Variants in PDXDC1 observed in about 807,000 individuals in gnomAD.
The protein encoded by PDXDC1 is pyridoxal dependent decarboxylase domain containing 1.
A neutral mutation model predicts 100.1 loss-of-function variants in PDXDC1; 42 were observed. That is an observed-to-expected ratio of 0.42 (90% CI 0.33 to 0.54). The LOEUF (loss-of-function observed/expected upper bound fraction) is 0.54, where lower values mean the gene tolerates loss of function less well. PDXDC1 is among the 20% of genes least tolerant of loss of function. PDXDC1 has a pLI of 0.10. For synonymous variants in PDXDC1, 260 were observed against 371.7 expected (o/e 0.70, Z 3.46); for missense variants, 636 against 979.2 (o/e 0.65, Z 4.68).
chr16:15,074,722 C>G, intron 16 of PDXDC1: 1 of 1,610,612 alleles, frequency 6.2e-7, no homozygotes, highest in East Asian at 2.2e-5. Context: ...CTGTGATTTA[C>G]CATCTACATA....
intron 17 of PDXDC1, chr16:15,032,656 A>C: frequency 2.8e-6 from 1 of 353,142 alleles, no homozygotes; most frequent in Non-Finnish European, 5.1e-6. Context: ...CCTGCTTTAA[A>C]AAAAAAAAAA....
At chr16:15,132,951 C>T (rs1207044995) in intron 16 of PDXDC1, 28 of 1,572,448 alleles carry the variant, frequency 1.8e-5, no homozygotes, top group Admixed American at 5.0e-5. Flanking sequence ...CCACGACTCC[C>T]GGGGTGCAGT....
Position 15,004,187 on chromosome 16 carries a change from A to C in PDXDC1, c.243A>C (p.Arg81Ser), listed in dbSNP as rs1265904468. The part of the protein sequence containing the change: ...GDEDEEPQSP[R>S]IQNIGEQGHM... ...CTAATACTTTAATTTTGCTTAACAG[A>C]ATCCAAAATATTGGAGAACAAGGTC... The change falls in exon 5 of 23, where the codon AGA becomes AGC. Residue 81 changes from arginine (R) to serine (S), a missense_variant and splice_region_variant. Arg to Ser is a moderately radical substitution (Grantham distance 110). This residue lies in a region of PDXDC1 where 125 missense variants were observed against 479.9 expected (regional missense o/e 0.26). Transcript: ENST00000396410. The C allele has an allele frequency of 6.2e-7, 1 of 1,612,986 alleles. No individual in the cohort carries two copies. The highest frequency in any genetic ancestry group is 8.5e-7 in the Non-Finnish European group (1 of 1,179,328).
intron 16 of PDXDC1, among the ~76,000 whole-genome samples, chr16:15,096,740 T>A (rs1023790889): frequency 6.6e-6 from 1 of 152,280 alleles, no homozygotes; most frequent in African/African-American, 2.4e-5. Flanking sequence ...TAGAGCGCAA[T>A]GGCGCGATCA....
chr16:15,143,266 A>T (rs2048503049), downstream of PDXDC1, among the ~76,000 whole-genome samples: 1 of 152,048 alleles, frequency 6.6e-6, no homozygotes, highest in Non-Finnish European at 1.5e-5. Context: ...TGGCCACAGT[A>T]CGGGTCTTCA....
rs1190085312 is a variant in PDXDC1 at position 15,131,307 on chromosome 16, C to G, written c.1400-7572C>G. ...TGGGGATCTGGGCGCCGGCCTGTGT[C>G]TGGAACGCCATCGAGGCCACCTTGG... On this transcript the variant is annotated intron_variant, in intron 16 of 16. Coordinates refer to the PDXDC1 transcript ENST00000535621. The G allele has an allele frequency of 7.6e-6, 12 of 1,577,106 alleles. No individual in the cohort carries two copies. In the South Asian group the frequency reaches 7.7e-5, roughly 10 times the overall value.
intron 1 of PDXDC1, among the ~76,000 whole-genome samples, chr16:14,978,067 C>T (rs1488191043): frequency 6.6e-6 from 1 of 151,946 alleles, no homozygotes; most frequent in East Asian, 1.9e-4. Flanking sequence ...ACGTGCAGAC[C>T]TGTGATAACA....
At chr16:15,137,833 G>A (rs1262609043) in intron 16 of PDXDC1, 12 of 1,522,390 alleles carry the variant, frequency 7.9e-6, no homozygotes, top group South Asian at 3.5e-5. Context: ...TGGCTGCCTC[G>A]GGCTGCACCA....
intron 16 of PDXDC1, among the ~76,000 whole-genome samples, chr16:15,104,988 T>G (rs1273952560): frequency 1.3e-5 from 2 of 151,280 alleles, no homozygotes. Context: ...CACATGCCAC[T>G]GTGTCTGTCT....
intron 16 of PDXDC1, chr16:15,044,593 G>A: frequency 1.7e-6 from 1 of 597,980 alleles, no homozygotes; most frequent in Admixed American, 2.9e-5. Flanking sequence ...GAGCTTCTGG[G>A]GACCCTGCCC....
chr16:15,005,431 G>T (rs1160382364), intron 5 of PDXDC1, among the ~76,000 whole-genome samples: 1 of 152,286 alleles, frequency 6.6e-6, no homozygotes, highest in African/African-American at 2.4e-5. Flanking sequence ...GATTCAGTAG[G>T]AGACATAGGA....
chr16:15,100,430 C>T (rs542227506), intron 16 of PDXDC1, among the ~76,000 whole-genome samples: 87 of 152,296 alleles, frequency 5.7e-4, no homozygotes, highest in Middle Eastern at 6.8e-3. Context: ...GAGCGTTCCT[C>T]ATCCCAGTAT....
At chr16:15,029,635 A>G in intron 15 of PDXDC1, 1 of 505,652 alleles carries the variant, frequency 2.0e-6, no homozygotes, top group Middle Eastern at 5.0e-4. Flanking sequence ...CCTGCCCGCC[A>G]CTAGGAGAAA....
the PDXDC1 span, among the ~76,000 whole-genome samples, chr16:15,150,315 T>A: frequency 6.6e-6 from 1 of 151,198 alleles, no homozygotes; most frequent in Admixed American, 6.6e-5. Context: ...CACTCCAGCC[T>A]GGGCAACAGA....
chr16:15,004,180 T>C lies in PDXDC1; in HGVS notation c.243-7T>C. 6.2e-7 allele frequency: 1 copy of C among 1,612,276 alleles called. No individual in the cohort carries two copies. Among genetic ancestry groups the C allele is most frequent in the South Asian group, 1.1e-5 (1 of 90,828 alleles). ...TTTGACTCTAATACTTTAATTTTGC[T>C]TAACAGAATCCAAAATATTGGAGAA... On this transcript the variant is annotated splice_region_variant and splice_polypyrimidine_tract_variant and intron_variant, in intron 4 of 22. Transcript: ENST00000396410.
downstream of PDXDC1, chr16:15,041,582 G>T: frequency 6.9e-7 from 1 of 1,459,754 alleles, no homozygotes; most frequent in Non-Finnish European, 9.6e-7. Flanking sequence ...AAACGGTCCT[G>T]AGACCCACAT....
intron 7 of PDXDC1, chr16:15,009,400 A>G (rs1423310850): frequency 1.5e-5 from 8 of 550,434 alleles, no homozygotes; most frequent in African/African-American, 1.9e-5. Flanking sequence ...TAGGAGAGTT[A>G]AGAGAACATT....
rs567987292 is a variant in PDXDC1, at chr16:15,125,824, G to A, written c.1400-13055G>A. On this transcript the variant is annotated intron_variant, in intron 16 of 16. Coordinates refer to the PDXDC1 transcript ENST00000535621. ...CCCAGCCACCTGCAGGACGACAGCA[G>A]TGGTCAGCGGGCGGCAGCTCAGACC... 119 of 998,404 alleles carry A rather than the reference G, an allele frequency of 1.2e-4. No homozygotes were observed. The African/African-American group carries it at 1.4e-3, about 12-fold the overall frequency. The allele number at this position is 998,404 out of a possible 1,614,324, so 61.8% of individuals were successfully genotyped here. A position where few individuals can be genotyped will look rare whatever the true frequency, so the allele number is the denominator to read the frequency against.
chr16:15,082,291 C>A (rs2045740424), intron 16 of PDXDC1, among the ~76,000 whole-genome samples: 1 of 152,108 alleles, frequency 6.6e-6, no homozygotes. Context: ...GTGTTTGTCA[C>A]ACACTTCTGC....
Sources: gnomAD v4.1 joint callset for allele counts (sites outside exome capture counted in the v4.1 genomes callset) on GRCh38, gnomAD v4.1.1 for gene constraint, gnomAD v4.1.1 regional missense constraint, MANE v1.5 for transcripts, NCBI Gene and HGNC (gene_info 2026-07-23, HGNC 2026-07-21) for gene names.